CDC40: variants seen among roughly 807,000 people sequenced by gnomAD.
CDC40 encodes the protein pre-mRNA-processing factor 17.
A neutral mutation model predicts 80.6 loss-of-function variants in CDC40; 27 were observed. The observed-to-expected ratio is 0.33, with a 90% CI of 0.25 to 0.46. The LOEUF is 0.46. Ranked by LOEUF, CDC40 falls within the 20% of genes least tolerant of loss-of-function variation. The pLI is 1.00. For missense variants in CDC40, 486 were observed against 694.1 expected, an observed-to-expected ratio of 0.70 and a Z score of 3.37; for synonymous variants, 221 against 232.6, an observed-to-expected ratio of 0.95 and a Z score of 0.45.
chr6:110,187,197 T>C (rs895302965), intron 1 of CDC40, among the ~76,000 whole-genome samples: 2 of 152,170 alleles, frequency 1.3e-5, no homozygotes, highest in African/African-American at 4.8e-5. Context: ...CCAATAAAAA[T>C]TTTTACATGC....
chr6:110,220,734 T>A (rs61164997), intron 12 of CDC40, among the ~76,000 whole-genome samples: 4 of 152,030 alleles, frequency 2.6e-5, no homozygotes, highest in African/African-American at 9.7e-5. Context: ...CGTGAGCCAC[T>A]GCACCCAGCC....
chr6:110,215,398 A>G, intron 9 of CDC40, 67 bp downstream of exon 9: 4 of 1,255,916 alleles, frequency 3.2e-6, no homozygotes, highest in East Asian at 2.3e-5. Context: ...CATCATTGAC[A>G]ATAACTTTAC....
At chr6:110,208,717 T>C (rs1195978357) in intron 4 of CDC40, among the ~76,000 whole-genome samples, 3 of 152,218 alleles carry the variant, frequency 2.0e-5, no homozygotes, top group Non-Finnish European at 2.9e-5. Flanking sequence ...ATAATGAGTT[T>C]CTGAGTTTTT....
intron 5 of CDC40, chr6:110,209,460 A>G (rs375909071): frequency 5.2e-6 from 2 of 384,576 alleles, no homozygotes; most frequent in East Asian, 4.7e-5. Context: ...ACAATATTGA[A>G]CAATTTTCAT....
rs1777945086 is a variant in CDC40 at position 110,232,033 on chromosome 6, T to G, written c.*1902T>G. 1 of 147,732 alleles carries G rather than the reference T, an allele frequency of 6.8e-6. No individual in the cohort carries two copies. The highest frequency in any genetic ancestry group is 2.2e-4 in the South Asian group (1 of 4,508). 9.2% of individuals were successfully genotyped at this position (147,732 alleles called of 1,614,324 possible). A position where few individuals can be genotyped will look rare whatever the true frequency, so the allele number is the denominator to read the frequency against. ...TTTTAACAAATGTGAATTATTGAAA[T>G]GTGAAGGGACAAAAAGAATCATACA... On this transcript the variant is annotated 3_prime_UTR_variant, in exon 15 of 15. Transcript: ENST00000307731.
At chr6:110,226,094 C>A (rs918407491) in intron 12 of CDC40, 73 bp from the exon 13 acceptor site, 1 of 768,164 alleles carries the variant, frequency 1.3e-6, no homozygotes, top group East Asian at 2.5e-5. Flanking sequence ...CATATTATTC[C>A]TTTGTTCCAG....
chr6:110,222,430 G>A (rs556085118), intron 12 of CDC40, among the ~76,000 whole-genome samples: 102 of 152,150 alleles, frequency 6.7e-4, no homozygotes, highest in Non-Finnish European at 8.2e-4. Flanking sequence ...GGTGGCAGGC[G>A]CGTGTAATCC....
chr6:110,220,023 C>T (rs1023097356), intron 12 of CDC40, among the ~76,000 whole-genome samples, 154 bp downstream of exon 12: 1 of 152,216 alleles, frequency 6.6e-6, no homozygotes, highest in African/African-American at 2.4e-5. Flanking sequence ...TATTTAAGTA[C>T]TGACAATATG....
intron 7 of CDC40, among the ~76,000 whole-genome samples, chr6:110,212,813 AAG>A (rs1777653486): frequency 6.6e-6 from 1 of 152,204 alleles, no homozygotes; most frequent in South Asian, 2.1e-4. Flanking sequence ...TAAGTAAAAA[AAG>A]GAAGAGAAGT....
chr6:110,195,621 C>G (rs1203543034), intron 2 of CDC40, among the ~76,000 whole-genome samples: 3 of 152,026 alleles, frequency 2.0e-5, no homozygotes, highest in Non-Finnish European at 4.4e-5. Flanking sequence ...TTAAAAAATC[C>G]TTCCGGCACA....
At chr6:110,201,122 G>T (rs1489365314) in intron 2 of CDC40, among the ~76,000 whole-genome samples, 1 of 152,010 alleles carries the variant, frequency 6.6e-6, no homozygotes, top group African/African-American at 2.4e-5. Flanking sequence ...GGAACTAGTG[G>T]AAAAGAAACA....
rs757019871 is a variant in CDC40, at chr6:110,207,535, C to T, written c.436C>T (p.His146Tyr). ...TGCATTAGACCCTTCATTAGATAAT[C>T]ATCAAGTGTCTGCTAAATATATTGG... The part of the protein sequence containing the change: ...GYALDPSLDN[H>Y]QVSAKYIGSV... Residue 146 changes from histidine to tyrosine, a missense_variant, in exon 4 of 15, where the codon CAT becomes TAT. By Grantham distance (83) the His-to-Tyr change is moderately conservative. This residue lies in a region of CDC40 where 381 missense variants were observed against 492.1 expected (regional missense o/e 0.77). Transcript: ENST00000307731. 2 of 1,602,964 alleles carry T rather than the reference C, an allele frequency of 1.2e-6. No individual in the cohort carries two copies. Among genetic ancestry groups the T allele is most frequent in the Non-Finnish European group, 1.7e-6 (2 of 1,170,740 alleles).
chr6:110,194,190 A>G (rs1233446206), intron 2 of CDC40, among the ~76,000 whole-genome samples: 3 of 152,230 alleles, frequency 2.0e-5, no homozygotes, highest in African/African-American at 4.8e-5. Context: ...GCCTTTTAAA[A>G]TGGAAAAGAA....
chr6:110,219,742 A>T lies in CDC40; in HGVS notation c.1213A>T (p.Ile405Phe). Reference protein sequence around the residue: ...MSDKKIVQWDIRSGEIVQEYD... With the variant: ...MSDKKIVQWDFRSGEIVQEYD... ...TTTCTTGCCTGATACACAGTGGGAC[A>T]TTCGAAGTGGAGAAATTGTGCAGGA... Residue 405 changes from isoleucine (I) to phenylalanine (F), a missense_variant, in exon 12 of 15, where the codon ATT (isoleucine) becomes TTT (phenylalanine). This residue lies in a region of CDC40 where 381 missense variants were observed against 492.1 expected (regional missense o/e 0.77). Transcript: ENST00000307731. The T allele has an allele frequency of 6.2e-7, 1 of 1,613,832 alleles. No individual in the cohort carries two copies. Among genetic ancestry groups the T allele is most frequent in the Non-Finnish European group, 8.5e-7 (1 of 1,179,796 alleles).
intron 1 of CDC40, among the ~76,000 whole-genome samples, chr6:110,183,778 T>C (rs1490092019): frequency 6.6e-6 from 1 of 152,248 alleles, no homozygotes; most frequent in African/African-American, 2.4e-5. Flanking sequence ...TTTTAATCTA[T>C]GTTTTTTCCG....
chr6:110,217,846 A>G (rs1309154781), intron 10 of CDC40, 43 bp downstream of exon 10: 2 of 1,005,550 alleles, frequency 2.0e-6, no homozygotes, highest in South Asian at 2.6e-5. Flanking sequence ...CTTACAAGTT[A>G]TTTATATTTG....
At chr6:110,210,673 A>G (rs1427601917) in intron 5 of CDC40, 34 bp from the exon 6 acceptor site, 2 of 1,284,442 alleles carry the variant, frequency 1.6e-6, no homozygotes, top group Admixed American at 2.5e-5. Context: ...GTTCTAGAAC[A>G]TTCATTTTAA....
chr6:110,224,056 C>T (rs1326966583), intron 12 of CDC40, among the ~76,000 whole-genome samples: 2 of 152,090 alleles, frequency 1.3e-5, no homozygotes, highest in Non-Finnish European at 2.9e-5. Context: ...TGGTCTCGAT[C>T]TCTTGACCTT....
chr6:110,229,690 G>A (rs552555266), intron 14 of CDC40, among the ~76,000 whole-genome samples: 54 of 152,200 alleles, frequency 3.5e-4, no homozygotes, highest in Non-Finnish European at 6.6e-4. Context: ...GACTGATTGT[G>A]TAACCTCATT....
Sources: gnomAD v4.1 joint callset for allele counts (sites outside exome capture counted in the v4.1 genomes callset) on GRCh38, gnomAD v4.1.1 for gene constraint, gnomAD v4.1.1 regional missense constraint, MANE v1.5 for transcripts, NCBI Gene and HGNC (gene_info 2026-07-23, HGNC 2026-07-21) for gene names.